The following SLFN12L variants were observed in gnomAD, a reference collection of about 807,000 sequenced individuals.
SLFN12L encodes schlafen family member 12 like.
SLFN12L carries 34 observed loss-of-function variants against 34.8 expected under a neutral mutation model. The observed-to-expected ratio is 0.98, with a 90% confidence interval of 0.74 to 1.30. SLFN12L has a LOEUF of 1.30. Among genes scored for constraint, SLFN12L ranks in the 50% most tolerant of loss-of-function variants. The pLI is 0.00. For synonymous variants in SLFN12L, 259 were observed against 247.5 expected, an observed-to-expected ratio of 1.05 and a Z score of -0.44; for missense variants, 703 against 696.2, an observed-to-expected ratio of 1.01 and a Z score of -0.11.
rs73281414 is a variant in SLFN12L at position 35,467,499 on chromosome 17, C to T, written c.*7424G>A. Among the ~76,000 whole-genome samples, 3,825 of 152,222 alleles carry T rather than the reference C, an allele frequency of 0.025. 111 individuals are homozygous for T. The highest frequency in any genetic ancestry group is 0.13 in the East Asian group (684 of 5,162). ...GCAAAATACACACTGAATGGGCTCC[C>T]GAAACAAACAGGCATTCAATAAAAC... On this transcript the variant is annotated 3_prime_UTR_variant, in exon 5 of 5. Coordinates refer to ENST00000628453, the MANE Select transcript of SLFN12L (RefSeq NM_001363830.2).
intron 2 of SLFN12L, chr17:35,490,816 G>A: frequency 7.6e-7 from 1 of 1,311,722 alleles, no homozygotes; most frequent in Non-Finnish European, 1.1e-6. Flanking sequence ...GACTCAATAA[G>A]AGAGCCTACA....
intron 2 of SLFN12L, among the ~76,000 whole-genome samples, chr17:35,505,557 C>A (rs560411332): frequency 1.3e-5 from 2 of 152,188 alleles, no homozygotes; most frequent in Admixed American, 1.3e-4. Flanking sequence ...TGAAAATCCC[C>A]GCATAACCAT....
intron 2 of SLFN12L, among the ~76,000 whole-genome samples, chr17:35,497,739 G>T (rs1221588127): frequency 1.3e-5 from 2 of 152,192 alleles, no homozygotes; most frequent in Non-Finnish European, 2.9e-5. Flanking sequence ...GAGAATCAGG[G>T]AGAAGATTCA....
intron 2 of SLFN12L, chr17:35,498,917 G>C (rs1196124820): frequency 4.2e-6 from 3 of 716,876 alleles, no homozygotes; most frequent in African/African-American, 3.5e-5. Flanking sequence ...CTATTCTGCA[G>C]AACGATGCTG....
At chr17:35,499,341 G>C (rs560945328) in intron 2 of SLFN12L, among the ~76,000 whole-genome samples, 8 of 152,292 alleles carry the variant, frequency 5.3e-5, no homozygotes, top group Admixed American at 2.6e-4. Flanking sequence ...TCCTGCACAT[G>C]CCTAACCTAA....
At position 35,466,719 on chromosome 17, in the gene SLFN12L, C is replaced by A. The variant is rs1169344781; in HGVS notation, c.*8204G>T. On this transcript the variant is annotated 3_prime_UTR_variant, in exon 5 of 5. Coordinates refer to ENST00000628453, the MANE Select transcript of SLFN12L (RefSeq NM_001363830.2). ...ATCTATCCAAATTAATACCAACAGACAGACCCATTGGTGCCTGCATTGATT... is the reference window on the plus strand; with the variant it reads ...ATCTATCCAAATTAATACCAACAGAAAGACCCATTGGTGCCTGCATTGATT... Among the ~76,000 whole-genome samples, 2 of 152,218 alleles carry A rather than the reference C, an allele frequency of 1.3e-5. No individual in the cohort carries two copies. The highest frequency in any genetic ancestry group is 4.8e-5 in the African/African-American group (2 of 41,456).
intron 2 of SLFN12L, among the ~76,000 whole-genome samples, chr17:35,506,484 T>G (rs1410469758): frequency 2.6e-5 from 4 of 152,186 alleles, no homozygotes; most frequent in African/African-American, 9.7e-5. Flanking sequence ...ATCCCCTTGA[T>G]CCTTGCTGAA....
rs564598838 is a variant in SLFN12L, at chr17:35,503,602, C to G, written c.86+18677G>C. The stretch of plus-strand genomic sequence containing the variant: ...AAAAAATAGGTACTAAAGGAAATTT[C>G]GTAGTAGAAAGGCACCAAGGACTAT... On this transcript the variant is annotated intron_variant, in intron 2 of 4. Transcript: ENST00000628453. Among the ~76,000 whole-genome samples the G allele has an allele frequency of 2.0e-5, 3 of 152,268 alleles. No homozygotes were observed. In the East Asian group the frequency reaches 5.8e-4, roughly 29 times the overall value.
At position 35,464,474 on chromosome 17, in the gene SLFN12L, T is replaced by C. The variant is rs1416447762; in HGVS notation, c.*10449A>G. ...TCTGCTGTTTCCTTCTTTGTGTTCATAAGTTCTTTCGTTTAGCTCCCATTT... is the reference window on the plus strand; with the variant it reads ...TCTGCTGTTTCCTTCTTTGTGTTCACAAGTTCTTTCGTTTAGCTCCCATTT... On this transcript the variant is annotated 3_prime_UTR_variant, in exon 5 of 5. Coordinates refer to ENST00000628453, the MANE Select transcript of SLFN12L (RefSeq NM_001363830.2). 1 of 141,842 alleles carries C rather than the reference T, an allele frequency of 7.1e-6. No individual in the cohort carries two copies. Among genetic ancestry groups the C allele is most frequent in the Admixed American group, 7.2e-5 (1 of 13,850 alleles). 8.8% of individuals were successfully genotyped at this position (141,842 alleles called of 1,614,324 possible).
chr17:35,491,344 G>C, intron 2 of SLFN12L: 1 of 465,138 alleles, frequency 2.1e-6, no homozygotes, highest in Non-Finnish European at 3.8e-6. Flanking sequence ...TCCTCCAGGA[G>C]AGTATCATGA....
intron 2 of SLFN12L, among the ~76,000 whole-genome samples, chr17:35,508,541 G>T (rs1438890876): frequency 6.6e-6 from 1 of 152,106 alleles, no homozygotes; most frequent in African/African-American, 2.4e-5. Context: ...GTAGAGACGG[G>T]GTTTCACCGT....
In SLFN12L at chr17:35,469,317, TATATATATAAATATATATATA is replaced by T. The variant is rs1383374243; in HGVS notation, c.*5585_*5605del. The stretch of plus-strand genomic sequence containing the variant: ...ATATATATATAAAATATATATATAT[TATATATATAAATATATATATA>T]ATATATATATATATGTATTTCAAAC... On this transcript the variant is annotated 3_prime_UTR_variant, in exon 5 of 5. Transcript: ENST00000628453. 1.5e-5 allele frequency among the ~76,000 whole-genome samples: 2 copies of T among 130,978 alleles called. No individual in the cohort carries two copies. Among genetic ancestry groups the T allele is most frequent in the African/African-American group, 2.9e-5 (1 of 34,588 alleles). 85.9% of individuals were successfully genotyped at this position (130,978 alleles called of 152,430 possible). A position where few individuals can be genotyped will look rare whatever the true frequency, so the allele number is the denominator to read the frequency against.
At position 35,474,626 on chromosome 17, in the gene SLFN12L, A is replaced by G. The variant is rs1913872416; in HGVS notation, c.*297T>C. On this transcript the variant is annotated 3_prime_UTR_variant, in exon 5 of 5. Transcript: ENST00000628453. The stretch of plus-strand genomic sequence containing the variant: ...TGTCAAAGGCTAATTGGTCTATAAA[A>G]GAATTGATTCTCCAGCCGGGCGCGG... 7.3e-6 allele frequency: 2 copies of G among 273,542 alleles called. No individual in the cohort carries two copies. Among genetic ancestry groups the G allele is most frequent in the Non-Finnish European group, 1.4e-5 (2 of 143,896 alleles). The allele number at this position is 273,542 out of a possible 1,614,324, so 16.9% of individuals were successfully genotyped here.
intron 2 of SLFN12L, among the ~76,000 whole-genome samples, chr17:35,487,359 T>C (rs993132769): frequency 6.6e-6 from 1 of 152,376 alleles, no homozygotes; most frequent in East Asian, 1.9e-4. Context: ...CAGACATTGC[T>C]ACAGAGACAG....
chr17:35,498,645 C>G, intron 2 of SLFN12L: 2 of 1,609,666 alleles, frequency 1.2e-6, no homozygotes, highest in Non-Finnish European at 1.7e-6. Flanking sequence ...ACAGACCACT[C>G]AAACCATCCA....
At position 35,476,224 on chromosome 17, in the gene SLFN12L, T is replaced by C. The variant is rs1913998087; in HGVS notation, c.1277-739A>G. ...AACAAAATCCCAGAGAAGATGAAAC[T>C]GAAGAGAAGAAGCCAAAATCTACCC... On this transcript the variant is annotated intron_variant, in intron 4 of 4. Transcript: ENST00000628453. 2.6e-5 allele frequency among the ~76,000 whole-genome samples: 4 copies of C among 151,972 alleles called. No individual in the cohort carries two copies. In the South Asian group the frequency reaches 8.3e-4, roughly 32 times the overall value.
At position 35,473,906 on chromosome 17, in the gene SLFN12L, C is replaced by T. The variant is rs1343698512; in HGVS notation, c.*1017G>A. 4 of 152,244 alleles carry T rather than the reference C, an allele frequency of 2.6e-5. No homozygotes were observed. Among genetic ancestry groups the T allele is most frequent in the Non-Finnish European group, 4.4e-5 (3 of 68,070 alleles). 9.4% of individuals were successfully genotyped at this position (152,244 alleles called of 1,614,324 possible). ...CATGTGTTCAGGAATTTATCCATTTCTTCTAGATTTTCTAGTTTATTTGCA... is the reference window on the plus strand; with the variant it reads ...CATGTGTTCAGGAATTTATCCATTTTTTCTAGATTTTCTAGTTTATTTGCA... On this transcript the variant is annotated 3_prime_UTR_variant, in exon 5 of 5. Coordinates refer to ENST00000628453, the MANE Select transcript of SLFN12L (RefSeq NM_001363830.2).
At chr17:35,525,290 A>C (rs761768843) in intron 1 of SLFN12L, among the ~76,000 whole-genome samples, 2 of 152,204 alleles carry the variant, frequency 1.3e-5, no homozygotes, top group Non-Finnish European at 2.9e-5. Flanking sequence ...ACTCTTCAGG[A>C]TATTATCCAA....
rs1465433673 is a variant in SLFN12L at position 35,468,946 on chromosome 17, G to T, written c.*5977C>A. ...CAGGAGAATCTCTTGATGTCGGGAG[G>T]TCAAGGCTGTAATGAGCTATGACCA... On this transcript the variant is annotated 3_prime_UTR_variant, in exon 5 of 5. Coordinates refer to ENST00000628453, the MANE Select transcript of SLFN12L (RefSeq NM_001363830.2). Among the ~76,000 whole-genome samples, 2 of 151,910 alleles carry T rather than the reference G, an allele frequency of 1.3e-5. No individual in the cohort carries two copies. Among genetic ancestry groups the T allele is most frequent in the Non-Finnish European group, 1.5e-5 (1 of 67,962 alleles).
Sources: gnomAD v4.1 joint callset for allele counts (sites outside exome capture counted in the v4.1 genomes callset) on GRCh38, gnomAD v4.1.1 for gene constraint, MANE v1.5 for transcripts, NCBI Gene and HGNC (gene_info 2026-07-23, HGNC 2026-07-21) for gene names.